The following TTC7B variants were observed in gnomAD, a reference collection of about 807,000 sequenced individuals.
TTC7B encodes the protein tetratricopeptide repeat protein 7B.
TTC7B carries 28 observed loss-of-function variants against 106.8 expected under a neutral mutation model. The observed-to-expected ratio is 0.26, with a 90% CI of 0.19 to 0.36. TTC7B has a LOEUF of 0.36. Among genes scored for constraint, TTC7B ranks in the 10% least tolerant of loss-of-function variants. The pLI is 1.00. For synonymous variants in TTC7B, 405 were observed against 430.6 expected (o/e 0.94, Z 0.74); for missense variants, 862 against 1,076.4 (o/e 0.80, Z 2.79).
chr14:90,743,373 A>C lies in TTC7B; in HGVS notation c.576+1419T>G, dbSNP rs536503224. 2.0e-5 allele frequency among the ~76,000 whole-genome samples: 3 copies of C among 152,310 alleles called. No homozygotes were observed. The South Asian group carries it at 6.2e-4, about 32-fold the overall frequency. ...ACATGACAATATGATTTATGAAAAA[A>C]AGTTACTTCCTGTCTGTTCATTTAT... On this transcript the variant is annotated intron_variant, in intron 4 of 19. Transcript: ENST00000328459.
intron 1 of TTC7B, among the ~76,000 whole-genome samples, chr14:90,790,592 C>T (rs760567487): frequency 3.9e-5 from 6 of 151,990 alleles, no homozygotes; most frequent in East Asian, 3.9e-4. Flanking sequence ...CCCCTCCTCA[C>T]GACCTCACCC....
chr14:90,793,699 C>G (rs1891668761), intron 1 of TTC7B, among the ~76,000 whole-genome samples: 2 of 150,968 alleles, frequency 1.3e-5, no homozygotes, highest in African/African-American at 2.4e-5. Flanking sequence ...ACCTCCACCT[C>G]CTGGGTTCAA....
chr14:90,559,517 A>G (rs998502653), intron 19 of TTC7B, among the ~76,000 whole-genome samples: 11 of 152,182 alleles, frequency 7.2e-5, no homozygotes, highest in Admixed American at 5.9e-4. Context: ...AGATTGGGAC[A>G]CTAGGTGGAA....
chr14:90,552,793 C>T (rs575762623), intron 19 of TTC7B, among the ~76,000 whole-genome samples: 2 of 152,322 alleles, frequency 1.3e-5, no homozygotes, highest in South Asian at 4.1e-4. Context: ...TTCCCTTGGG[C>T]CTGGGGTCGA....
At chr14:90,782,946 G>C (rs1483849308) in intron 2 of TTC7B, among the ~76,000 whole-genome samples, 1 of 144,418 alleles carries the variant, frequency 6.9e-6, no homozygotes, top group Non-Finnish European at 1.5e-5. Flanking sequence ...TACCAAAAGG[G>C]AAAAAAAAAA....
chr14:90,680,388 GTCA>G (rs1887004281), intron 8 of TTC7B, 81 bp downstream of exon 8: 1 of 1,025,326 alleles, frequency 9.8e-7, no homozygotes, highest in South Asian at 1.4e-5. Context: ...AAGAAAAAGA[GTCA>G]TGATACTGGC....
chr14:90,664,660 G>A (rs1886340370), intron 9 of TTC7B, among the ~76,000 whole-genome samples: 1 of 152,166 alleles, frequency 6.6e-6, no homozygotes, highest in African/African-American at 2.4e-5. Flanking sequence ...GTGCATGGGG[G>A]GCATATAAGA....
At chr14:90,786,581 G>C (rs1362858050) in intron 1 of TTC7B, among the ~76,000 whole-genome samples, 1 of 151,972 alleles carries the variant, frequency 6.6e-6, no homozygotes, top group Non-Finnish European at 1.5e-5. Flanking sequence ...TTTGCCAGTA[G>C]ATACTTTTTT....
In TTC7B at chr14:90,730,076, C is replaced by T. The variant is rs901662937; in HGVS notation, c.697G>A (p.Gly233Arg). 4 of 1,600,118 alleles carry T rather than the reference C, an allele frequency of 2.5e-6. No homozygotes were observed. The highest frequency in any genetic ancestry group is 3.4e-6 in the Non-Finnish European group (4 of 1,176,130). ...QRAHVLYFKN[G>R]NLTRGVGRFR... ...TTTAAAAAAATGAAGATGGCTTACC[C>T]ATTTTTGAAATAGAGGACATGGGCT... The change falls in exon 5 of 20, where the codon GGG becomes AGG. Residue 233 changes from glycine to arginine, a missense_variant and splice_region_variant. Coordinates refer to ENST00000328459, the MANE Select transcript of TTC7B (RefSeq NM_001010854.2).
intron 18 of TTC7B, among the ~76,000 whole-genome samples, chr14:90,587,715 T>A (rs771230663): frequency 6.6e-6 from 1 of 152,220 alleles, no homozygotes; most frequent in Admixed American, 6.5e-5. Flanking sequence ...TCTGTCTTCA[T>A]AACCATAGGA....
At chr14:90,736,588 G>T (rs1201333183) in intron 4 of TTC7B, among the ~76,000 whole-genome samples, 1 of 151,352 alleles carries the variant, frequency 6.6e-6, no homozygotes, top group African/African-American at 2.4e-5. Context: ...AAAAGGGGGG[G>T]TGGGTAGGAA....
chr14:90,806,408 G>A (rs867732673), intron 1 of TTC7B, among the ~76,000 whole-genome samples: 2 of 152,146 alleles, frequency 1.3e-5, no homozygotes, highest in Admixed American at 6.5e-5. Context: ...CCACCTCCCC[G>A]CTGCAGGGCT....
intron 19 of TTC7B, among the ~76,000 whole-genome samples, chr14:90,567,916 T>G (rs1468062777): frequency 6.6e-6 from 1 of 152,196 alleles, no homozygotes; most frequent in South Asian, 2.1e-4. Context: ...CAGGATATTC[T>G]CCCTAGACCT....
intron 15 of TTC7B, among the ~76,000 whole-genome samples, chr14:90,638,161 A>G (rs750262177): frequency 2.6e-5 from 4 of 152,126 alleles, no homozygotes; most frequent in Non-Finnish European, 4.4e-5. Context: ...CTGGCATTAC[A>G]GGCGTGGACC....
intron 19 of TTC7B, among the ~76,000 whole-genome samples, chr14:90,557,008 A>G (rs1383969388): frequency 6.6e-6 from 1 of 152,218 alleles, no homozygotes; most frequent in East Asian, 1.9e-4. Context: ...TCAGAAAGCC[A>G]TTCCCATGCG....
intron 17 of TTC7B, chr14:90,602,033 G>A: frequency 2.3e-6 from 1 of 440,786 alleles, no homozygotes; most frequent in Non-Finnish European, 4.6e-6. Flanking sequence ...CTGCTTTTAG[G>A]CCAGAAATAA....
chr14:90,616,625 G>A (rs1194131373), intron 16 of TTC7B, among the ~76,000 whole-genome samples: 2 of 152,196 alleles, frequency 1.3e-5, no homozygotes, highest in East Asian at 3.9e-4. Context: ...AGGGCCTGGG[G>A]TCACGGGTCT....
Position 90,744,834 on chromosome 14 carries a change from T to C in TTC7B, c.534A>G (p.Lys178=), listed in dbSNP as rs1326540320. Residue 178 remains lysine (K), a synonymous_variant, in exon 4 of 20, where the codon AAA becomes AAG. Transcript: ENST00000328459. ...REQDVITCYE[K]AGDIALLYLQ... ...GATACAGGAGTGCGATGTCCCCTGC[T>C]TTCTCATAACAGGTGATGACATCCT... The C allele has an allele frequency of 1.9e-6, 3 of 1,614,150 alleles. No homozygotes were observed. Among genetic ancestry groups the C allele is most frequent in the East Asian group, 4.5e-5 (2 of 44,882 alleles).
chr14:90,671,942 G>T (rs1566829191), intron 9 of TTC7B, among the ~76,000 whole-genome samples: 1 of 152,196 alleles, frequency 6.6e-6, no homozygotes. Flanking sequence ...ACTTACCCCT[G>T]TGAGCACAGT....
Sources: allele counts gnomAD v4.1 joint callset (sites outside exome capture counted in the v4.1 genomes callset), GRCh38; gene constraint gnomAD v4.1.1; transcripts MANE v1.5; gene names NCBI Gene and HGNC (gene_info 2026-07-23, HGNC 2026-07-21).